KDM4C: variants seen among roughly 807,000 people sequenced by gnomAD.
KDM4C encodes lysine demethylase 4C.
A neutral mutation model predicts 129.3 loss-of-function variants in KDM4C; 81 were observed. That is an observed-to-expected ratio of 0.63 (90% confidence interval 0.52 to 0.75). The LOEUF is 0.75. Among genes scored for constraint, KDM4C ranks in the 30% least tolerant of loss-of-function variants. The pLI is 0.00. For synonymous variants in KDM4C, 573 were observed against 456.1 expected, an observed-to-expected ratio of 1.26 and a Z score of -3.26; for missense variants, 1,457 against 1,304.0, an observed-to-expected ratio of 1.12 and a Z score of -1.81.
At chr9:7,074,445 G>T (rs1587466669) in intron 17 of KDM4C, among the ~76,000 whole-genome samples, 1 of 152,082 alleles carries the variant, frequency 6.6e-6, no homozygotes, top group Non-Finnish European at 1.5e-5. Flanking sequence ...GGGATTACGG[G>T]TATGAGCCAC....
intron 8 of KDM4C, among the ~76,000 whole-genome samples, chr9:6,919,226 C>CTTTCTTTCTT (rs1554643700): frequency 8.4e-5 from 7 of 83,158 alleles, no homozygotes; most frequent in African/African-American, 3.4e-4. Context: ...CTTTTTCCTT[C>CTTTCTTTCTT]TTTCTTTCTT....
chr9:6,894,632 T>C (rs1173362347), intron 8 of KDM4C, among the ~76,000 whole-genome samples: 3 of 152,214 alleles, frequency 2.0e-5, no homozygotes, highest in South Asian at 2.1e-4. Context: ...TTGGCCAGAA[T>C]AGGACATTCC....
At chr9:6,858,130 A>G (rs7038437) in intron 5 of KDM4C, among the ~76,000 whole-genome samples, 1,857 of 152,120 alleles carry the variant, frequency 0.012, 39 homozygotes, top group African/African-American at 0.043. Flanking sequence ...GTAACCTGCT[A>G]TATTGATGGT....
At chr9:6,919,541 GTCTGTCTATCTA>G (rs1488906762) in intron 8 of KDM4C, among the ~76,000 whole-genome samples, 1,594 of 60,420 alleles carry the variant, frequency 0.026, 19 homozygotes, top group East Asian at 0.053. Context: ...CTGTCTGTCT[GTCTGTCTATCTA>G]TCTATCTATC....
chr9:7,142,380 C>T (rs1195793255), intron 19 of KDM4C, among the ~76,000 whole-genome samples: 1 of 152,172 alleles, frequency 6.6e-6, no homozygotes, highest in African/African-American at 2.4e-5. Flanking sequence ...TCCCAAAATG[C>T]TGGGATTACA....
At chr9:7,121,228 A>G (rs983859337) in intron 18 of KDM4C, among the ~76,000 whole-genome samples, 12 of 152,152 alleles carry the variant, frequency 7.9e-5, no homozygotes, top group Admixed American at 2.6e-4. Context: ...GGTCTAAGCT[A>G]TGCTGCCTCA....
chr9:7,097,034 C>T (rs982907179), intron 17 of KDM4C, among the ~76,000 whole-genome samples: 1 of 152,200 alleles, frequency 6.6e-6, no homozygotes, highest in African/African-American at 2.4e-5. Flanking sequence ...TTTTTCACCT[C>T]TGAGCTTTAT....
At chr9:6,902,148 A>G (rs1270931291) in intron 8 of KDM4C, among the ~76,000 whole-genome samples, 3 of 152,142 alleles carry the variant, frequency 2.0e-5, no homozygotes, top group Non-Finnish European at 4.4e-5. Flanking sequence ...CATTAACTTA[A>G]TATCTATTTA....
chr9:6,852,608 G>A (rs1041698761), intron 5 of KDM4C, among the ~76,000 whole-genome samples: 2 of 152,202 alleles, frequency 1.3e-5, no homozygotes, highest in Non-Finnish European at 2.9e-5. Flanking sequence ...CTCCCCTTCA[G>A]TATGGGATGG....
intron 17 of KDM4C, among the ~76,000 whole-genome samples, chr9:7,101,062 G>T (rs1339063461): frequency 2.6e-5 from 4 of 152,026 alleles, no homozygotes; most frequent in Non-Finnish European, 5.9e-5. Context: ...GTAGGGGTTG[G>T]GCCTGGATAG....
chr9:6,887,262 C>T (rs1412414741), intron 6 of KDM4C, among the ~76,000 whole-genome samples: 2 of 152,194 alleles, frequency 1.3e-5, no homozygotes, highest in Non-Finnish European at 2.9e-5. Context: ...GACAGAACTG[C>T]AGGTTTGAAG....
At chr9:7,050,984 C>T (rs757286022) in intron 17 of KDM4C, among the ~76,000 whole-genome samples, 9 of 152,104 alleles carry the variant, frequency 5.9e-5, no homozygotes, top group Non-Finnish European at 1.0e-4. Flanking sequence ...CTTAAGCAGT[C>T]GGTACCTTTA....
rs148600641 is a variant in KDM4C, at chr9:6,780,997, C to T, written c.-17-11975C>T. On this transcript the variant is annotated intron_variant, in intron 1 of 21. Transcript: ENST00000381309. Reference sequence around the variant, plus strand: ...TCTACTTTTCTCTGCTGATCTCTTTCCTTCTCTCATTTTCTGTTTATGCAT... The same window carrying T: ...TCTACTTTTCTCTGCTGATCTCTTTTCTTCTCTCATTTTCTGTTTATGCAT... Among the ~76,000 whole-genome samples, 542 of 148,620 alleles carry T rather than the reference C, an allele frequency of 3.6e-3. 6 individuals are homozygous for T. The highest frequency in any genetic ancestry group is 0.013 in the African/African-American group (510 of 40,708).
chr9:7,008,600 C>A (rs1341441958), intron 12 of KDM4C, among the ~76,000 whole-genome samples: 2 of 152,212 alleles, frequency 1.3e-5, no homozygotes, highest in African/African-American at 4.8e-5. Context: ...CCAACTCCCA[C>A]AGACCAAACA....
intron 15 of KDM4C, among the ~76,000 whole-genome samples, chr9:7,022,614 TCCAA>T (rs1825065334): frequency 6.6e-6 from 1 of 150,778 alleles, no homozygotes; most frequent in African/African-American, 2.4e-5. Flanking sequence ...ATTCTTCCTT[TCCAA>T]TTTGCAAACC....
At chr9:6,999,753 G>A (rs540715725) in intron 12 of KDM4C, among the ~76,000 whole-genome samples, 1,210 of 4,610 alleles carry the variant, frequency 0.26, 25 homozygotes, top group African/African-American at 0.28. Context: ...GGCAGGCTGC[G>A]ACTTGGCTTA....
At chr9:6,981,630 A>C (rs781542057) in intron 9 of KDM4C, among the ~76,000 whole-genome samples, 1 of 152,164 alleles carries the variant, frequency 6.6e-6, no homozygotes, top group African/African-American at 2.4e-5. Flanking sequence ...TAACATGCTT[A>C]TCCTTGTGAA....
chr9:7,101,231 T>C (rs573433887), intron 17 of KDM4C, among the ~76,000 whole-genome samples: 14 of 152,336 alleles, frequency 9.2e-5, no homozygotes, highest in African/African-American at 2.9e-4. Context: ...AGCATGTATT[T>C]CGTTGTAACA....
chr9:7,003,920 C>A (rs146903238), intron 12 of KDM4C, among the ~76,000 whole-genome samples: 1 of 152,154 alleles, frequency 6.6e-6, no homozygotes, highest in Non-Finnish European at 1.5e-5. Flanking sequence ...ACTACACCCC[C>A]CATTCCCTGC....
Sources: gnomAD v4.1 joint callset for allele counts (sites outside exome capture counted in the v4.1 genomes callset) on GRCh38, gnomAD v4.1.1 for gene constraint, MANE v1.5 for transcripts, NCBI Gene and HGNC (gene_info 2026-07-23, HGNC 2026-07-21) for gene names.